The following CTNNA2 variants were observed in gnomAD, a reference collection of about 807,000 sequenced individuals.
The protein encoded by CTNNA2 is catenin alpha 2, also known as catenin alpha-2.
Under a neutral mutation model 101.0 loss-of-function variants are expected in CTNNA2, and 42 were observed. The observed-to-expected ratio is 0.42, with a 90% CI of 0.32 to 0.54. CTNNA2 has a LOEUF of 0.54. Among genes scored for constraint, CTNNA2 ranks in the 20% least tolerant of loss-of-function variants. CTNNA2 has a pLI of 0.14. For missense variants in CTNNA2, 871 were observed against 1,223.1 expected, an observed-to-expected ratio of 0.71 and a Z score of 4.29; for synonymous variants, 450 against 456.4, an observed-to-expected ratio of 0.99 and a Z score of 0.18.
intron 3 of CTNNA2, among the ~76,000 whole-genome samples, chr2:79,337,248 T>C (rs766589400): frequency 1.3e-5 from 2 of 152,088 alleles, no homozygotes; most frequent in Non-Finnish European, 1.5e-5. Flanking sequence ...GGAAAGAAAA[T>C]GGGTACAAGT....
At chr2:79,489,309 C>T (rs2104563207) in intron 4 of CTNNA2, among the ~76,000 whole-genome samples, 1 of 152,122 alleles carries the variant, frequency 6.6e-6, no homozygotes, top group East Asian at 1.9e-4. Flanking sequence ...ATTTTAATCC[C>T]AAGGGTCCAG....
chr2:80,394,447 G>A (rs912604693), intron 8 of CTNNA2, among the ~76,000 whole-genome samples: 1 of 152,114 alleles, frequency 6.6e-6, no homozygotes, highest in Non-Finnish European at 1.5e-5. Flanking sequence ...CAAACCTTTT[G>A]GGGGAAACAT....
chr2:79,775,189 G>T (rs1673870908), intron 3 of CTNNA2, among the ~76,000 whole-genome samples: 1 of 152,126 alleles, frequency 6.6e-6, no homozygotes. Flanking sequence ...AGCAACAAAA[G>T]CCCTGGATCT....
In CTNNA2 at chr2:79,583,275, T is replaced by G. The variant is rs189579027; in HGVS notation, c.-5-68277T>G. ...TGCCTCATCTACTCAGACTACCTGT[T>G]TATCCTATGGTTCATATAAAAAAGT... On this transcript the variant is annotated intron_variant, in intron 1 of 18. Coordinates refer to ENST00000402739, the MANE Select transcript of CTNNA2 (RefSeq NM_001282597.3). Among the ~76,000 whole-genome samples the G allele has an allele frequency of 2.4e-3, 369 of 151,972 alleles. 1 individual carries two copies. Among genetic ancestry groups the G allele is most frequent in the Middle Eastern group, 3.4e-3 (1 of 292 alleles).
chr2:79,280,484 C>T (rs1049430265), intron 2 of CTNNA2, among the ~76,000 whole-genome samples: 6 of 152,130 alleles, frequency 3.9e-5, no homozygotes, highest in South Asian at 2.1e-4. Context: ...AAAATATCCC[C>T]GGAGCAGGGG....
chr2:80,608,787 C>T (rs755530402), intron 17 of CTNNA2, among the ~76,000 whole-genome samples: 10 of 151,734 alleles, frequency 6.6e-5, no homozygotes, highest in Non-Finnish European at 1.5e-4. Flanking sequence ...TATCAGTAAC[C>T]CTTGAAAGCC....
chr2:79,333,725 G>A (rs1016091853), intron 3 of CTNNA2, among the ~76,000 whole-genome samples: 10 of 152,084 alleles, frequency 6.6e-5, no homozygotes, highest in Non-Finnish European at 2.9e-5. Flanking sequence ...AACTACTGAT[G>A]AGTATTAAAA....
At chr2:80,351,684 G>A (rs987778792) in intron 7 of CTNNA2, among the ~76,000 whole-genome samples, 5 of 151,996 alleles carry the variant, frequency 3.3e-5, no homozygotes, top group Admixed American at 6.6e-5. Context: ...GAGTTGCTGC[G>A]GTACTTTGAA....
chr2:79,812,496 A>T (rs914629026), intron 3 of CTNNA2, among the ~76,000 whole-genome samples: 3 of 152,170 alleles, frequency 2.0e-5, no homozygotes, highest in African/African-American at 7.2e-5. Context: ...GATCACAATG[A>T]TCACAGTAAA....
intron 4 of CTNNA2, among the ~76,000 whole-genome samples, chr2:79,445,597 G>C (rs1402600051): frequency 6.6e-6 from 1 of 152,138 alleles, no homozygotes; most frequent in African/African-American, 2.4e-5. Flanking sequence ...TCACACTTCA[G>C]TTTTGACCTA....
chr2:80,160,821 A>G (rs1704267760), intron 7 of CTNNA2, among the ~76,000 whole-genome samples: 1 of 151,974 alleles, frequency 6.6e-6, no homozygotes, highest in Admixed American at 6.5e-5. Context: ...AGTGGTGAGA[A>G]TAGACATCCT....
In CTNNA2 at chr2:80,078,555, T is replaced by G. The variant is rs146932502; in HGVS notation, c.1056+168758T>G. Among the ~76,000 whole-genome samples the G allele has an allele frequency of 1.8e-4, 28 of 152,218 alleles. No individual in the cohort carries two copies. In the East Asian group the frequency reaches 5.4e-3, roughly 29 times the overall value. ...AACAGCCCCGCGGGCATCTGTATGG[T>G]GTATGGGTTGCAGATGTCGCTATGA... On this transcript the variant is annotated intron_variant, in intron 7 of 18. Transcript: ENST00000402739.
chr2:79,968,441 A>G (rs1690237205), intron 7 of CTNNA2, among the ~76,000 whole-genome samples: 1 of 152,150 alleles, frequency 6.6e-6, no homozygotes, highest in African/African-American at 2.4e-5. Context: ...TCAGCTTGGG[A>G]ACAGTTTTCC....
chr2:79,570,238 A>C (rs1030875241), intron 1 of CTNNA2, among the ~76,000 whole-genome samples: 3 of 152,164 alleles, frequency 2.0e-5, no homozygotes, highest in African/African-American at 7.2e-5. Flanking sequence ...GGACCAGGTC[A>C]GTGTTTTATT....
At chr2:80,503,657 A>G (rs534685540) in intron 9 of CTNNA2, among the ~76,000 whole-genome samples, 17 of 152,154 alleles carry the variant, frequency 1.1e-4, no homozygotes, top group South Asian at 6.2e-4. Context: ...AGCTTGATTA[A>G]TATTGTTTAG....
At chr2:80,137,254 G>T (rs1225984431) in intron 7 of CTNNA2, among the ~76,000 whole-genome samples, 1 of 152,128 alleles carries the variant, frequency 6.6e-6, no homozygotes, top group East Asian at 1.9e-4. Flanking sequence ...TCTACACTGA[G>T]CCTAATTGAG....
intron 2 of CTNNA2, among the ~76,000 whole-genome samples, chr2:79,264,016 G>A (rs1314314133): frequency 6.6e-6 from 1 of 152,168 alleles, no homozygotes; most frequent in Non-Finnish European, 1.5e-5. Flanking sequence ...AAAGACACAT[G>A]CAAATCTTTA....
At chr2:79,972,754 A>G (rs924542088) in intron 7 of CTNNA2, among the ~76,000 whole-genome samples, 1 of 152,316 alleles carries the variant, frequency 6.6e-6, no homozygotes, top group East Asian at 1.9e-4. Context: ...AAAATAGAGC[A>G]CATATTTTCA....
At chr2:80,591,529 CA>C (rs1309661462) in intron 15 of CTNNA2, among the ~76,000 whole-genome samples, 1 of 133,578 alleles carries the variant, frequency 7.5e-6, no homozygotes, top group East Asian at 2.4e-4. Flanking sequence ...CACCTAAGTT[CA>C]CTATATTTGA....
Sources: gnomAD v4.1 joint callset for allele counts (sites outside exome capture counted in the v4.1 genomes callset) on GRCh38, gnomAD v4.1.1 for gene constraint, MANE v1.5 for transcripts, NCBI Gene and HGNC (gene_info 2026-07-23, HGNC 2026-07-21) for gene names.